NBAS: variants seen among roughly 807,000 people sequenced by gnomAD.
NBAS encodes NAG/BC035112 fusion.
NBAS carries 219 observed loss-of-function variants against 302.5 expected under a neutral mutation model. The observed-to-expected ratio is 0.72, with a 90% CI of 0.65 to 0.81. The LOEUF (loss-of-function observed/expected upper bound fraction) is 0.81, where lower values mean the gene tolerates loss of function less well. Ranked by LOEUF, NBAS falls within the 30% of genes least tolerant of loss-of-function variation. The pLI is 0.00. For synonymous variants in NBAS, 1,118 were observed against 1,021.6 expected (o/e 1.09, Z -1.80); for missense variants, 2,932 against 2,841.6 (o/e 1.03, Z -0.72).
chr2:15,375,896 C>T (rs4668446), intron 30 of NBAS, among the ~76,000 whole-genome samples: 86,775 of 151,248 alleles, frequency 0.57, 26,325 homozygotes, highest in Non-Finnish European at 0.68. Context: ...ATGAAAAAAC[C>T]TTCAATATAG....
chr2:15,366,085 T>C (rs1460581980), intron 32 of NBAS, among the ~76,000 whole-genome samples: 2 of 152,166 alleles, frequency 1.3e-5, no homozygotes. Context: ...TTAAATGAGA[T>C]AAAATACATG....
At chr2:14,812,494 C>T in the NBAS span, among the ~76,000 whole-genome samples, 7 of 152,320 alleles carry the variant, frequency 4.6e-5, no homozygotes, top group East Asian at 1.4e-3. Context: ...CTTACATTAA[C>T]ATGTTCCATA....
the NBAS span, among the ~76,000 whole-genome samples, chr2:14,845,441 A>G: frequency 6.6e-6 from 1 of 152,232 alleles, no homozygotes; most frequent in Non-Finnish European, 1.5e-5. Flanking sequence ...GGACAGGTAC[A>G]AACAAGGCCA....
the NBAS span, among the ~76,000 whole-genome samples, chr2:15,072,489 A>G: frequency 1.3e-3 from 196 of 151,878 alleles, no homozygotes; most frequent in Non-Finnish European, 2.2e-3. Context: ...AGTATTGAAG[A>G]TTTTTAAAAA....
At chr2:14,831,671 T>C in the NBAS span, among the ~76,000 whole-genome samples, 1 of 152,206 alleles carries the variant, frequency 6.6e-6, no homozygotes, top group African/African-American at 2.4e-5. Context: ...GCATCATTTC[T>C]TATGTAAAGC....
Position 15,330,642 on chromosome 2 carries a change from C to T in NBAS, c.4303G>A (p.Gly1435Arg). 6.2e-7 allele frequency: 1 copy of T among 1,614,010 alleles called. No individual in the cohort carries two copies. Reference sequence around the variant, plus strand: ...GTTAAAGACTTCTTCCACCACTGCCCATCACTGACGGCCTGCAGCACCGCT... The same window carrying T: ...GTTAAAGACTTCTTCCACCACTGCCTATCACTGACGGCCTGCAGCACCGCT... Reference protein sequence around the residue: ...TKAVLQAVSDGQWWKKSLTYL... With the variant: ...TKAVLQAVSDRQWWKKSLTYL... The change falls in exon 36 of 52, where the codon GGG becomes AGG. Residue 1435 changes from glycine to arginine, a missense_variant. By Grantham distance (125) the Gly-to-Arg change is moderately radical. Transcript: ENST00000281513.
chr2:15,149,007 C>T, the NBAS span, among the ~76,000 whole-genome samples: 3 of 152,152 alleles, frequency 2.0e-5, no homozygotes, highest in African/African-American at 7.2e-5. Context: ...GCCTTCGAAG[C>T]CATTTAATTA....
chr2:14,882,952 C>T, the NBAS span, among the ~76,000 whole-genome samples: 1 of 152,148 alleles, frequency 6.6e-6, no homozygotes, highest in African/African-American at 2.4e-5. Flanking sequence ...TTATTGTTTA[C>T]ATGAACCACT....
chr2:15,178,999 C>A lies in NBAS; in HGVS notation c.6829G>T (p.Ala2277Ser). 6.2e-7 allele frequency: 1 copy of A among 1,613,802 alleles called. No homozygotes were observed. Among genetic ancestry groups the A allele is most frequent in the Non-Finnish European group, 8.5e-7 (1 of 1,179,968 alleles). Reference sequence around the variant, plus strand: ...TCAACTGGGCATACCGTAGTGACTGCCGTGATTTGCTCCAGTGCCATCTCG... The same window carrying A: ...TCAACTGGGCATACCGTAGTGACTGACGTGATTTGCTCCAGTGCCATCTCG... ...LHEMALEQITAVTTVNDSNCD... is the reference protein window; with the variant it reads ...LHEMALEQITSVTTVNDSNCD... Residue 2277 changes from alanine to serine, a missense_variant, in exon 51 of 52, where the codon GCA (alanine) becomes TCA (serine). Coordinates refer to ENST00000281513, the MANE Select transcript of NBAS (RefSeq NM_015909.4).
chr2:15,364,297 C>T (rs553698715), intron 32 of NBAS, among the ~76,000 whole-genome samples: 52 of 152,138 alleles, frequency 3.4e-4, no homozygotes, highest in African/African-American at 1.2e-3. Context: ...TTTGGGAGGC[C>T]GAGGCAGGTG....
chr2:15,137,248 G>A, the NBAS span, among the ~76,000 whole-genome samples: 4 of 152,156 alleles, frequency 2.6e-5, no homozygotes, highest in Non-Finnish European at 5.9e-5. Flanking sequence ...AGCAGCCTGG[G>A]TCTAGACATC....
the NBAS span, among the ~76,000 whole-genome samples, chr2:14,834,464 C>A: frequency 1.3e-5 from 2 of 152,092 alleles, no homozygotes; most frequent in Non-Finnish European, 2.9e-5. Context: ...TTTTCTGCCT[C>A]TGAATTCATT....
At chr2:14,839,053 A>C in the NBAS span, among the ~76,000 whole-genome samples, 7 of 152,034 alleles carry the variant, frequency 4.6e-5, no homozygotes, top group South Asian at 2.1e-4. Flanking sequence ...TTCTGGTTCC[A>C]AAATGGCAGT....
rs1674222449 is a variant in NBAS at position 15,366,683 on chromosome 2, G to A, written c.3714C>T (p.Cys1238=). ...VKILPLQVRL[C]PDRISLIKEC... is the part of the protein sequence containing the mutation. The stretch of plus-strand genomic sequence containing the variant: ...CCTTGATGAGACTGATCCGATCAGG[G>A]CACAATCGCACTACAAAAGAAAGAC... The change falls in exon 32 of 52, where the codon TGC becomes TGT. Residue 1238 remains cysteine (C), a synonymous_variant. Coordinates refer to ENST00000281513, the MANE Select transcript of NBAS (RefSeq NM_015909.4). 6.2e-7 allele frequency: 1 copy of A among 1,613,780 alleles called. No individual in the cohort carries two copies. The highest frequency in any genetic ancestry group is 8.5e-7 in the Non-Finnish European group (1 of 1,179,758).
chr2:15,329,270 G>A lies in NBAS; in HGVS notation c.4348-958C>T, dbSNP rs141571198. ...AAAATTACAGCTGAGATTTAATAGC[G>A]TCTCACTAAACGGCATCTTCATTTA... is the stretch of plus-strand genomic sequence containing the variant. On this transcript the variant is annotated intron_variant, in intron 36 of 51. Transcript: ENST00000281513. 8.5e-3 allele frequency among the ~76,000 whole-genome samples: 1,287 copies of A among 152,228 alleles called. 9 individuals are homozygous for A. The highest frequency in any genetic ancestry group is 0.014 in the Middle Eastern group (4 of 294).
At chr2:15,402,948 T>C (rs1676224430) in intron 25 of NBAS, among the ~76,000 whole-genome samples, 1 of 152,174 alleles carries the variant, frequency 6.6e-6, no homozygotes, top group African/African-American at 2.4e-5. Context: ...GATTTTTTTC[T>C]CATCTATAAA....
intron 40 of NBAS, among the ~76,000 whole-genome samples, chr2:15,293,856 G>A (rs1383651847): frequency 6.6e-6 from 1 of 152,192 alleles, no homozygotes; most frequent in East Asian, 1.9e-4. Context: ...ACAGTTAAAG[G>A]TATCTTCTTA....
At chr2:15,118,540 G>A in the NBAS span, among the ~76,000 whole-genome samples, 1 of 152,002 alleles carries the variant, frequency 6.6e-6, no homozygotes, top group Admixed American at 6.5e-5. Flanking sequence ...CTCCACCAGT[G>A]CCAGGCCTCA....
At chr2:15,532,803 A>G (rs1341842165) in intron 9 of NBAS, among the ~76,000 whole-genome samples, 1 of 152,136 alleles carries the variant, frequency 6.6e-6, no homozygotes, top group East Asian at 1.9e-4. Context: ...ATGTGCAAAT[A>G]CAACTCATAA....
Sources: gnomAD v4.1 joint callset for allele counts (sites outside exome capture counted in the v4.1 genomes callset) on GRCh38, gnomAD v4.1.1 for gene constraint, MANE v1.5 for transcripts, NCBI Gene and HGNC (gene_info 2026-07-23, HGNC 2026-07-21) for gene names.